RRM1: variants seen among roughly 807,000 people sequenced by gnomAD.
The protein encoded by RRM1 is ribonucleotide reductase catalytic subunit M1.
Under a neutral mutation model 101.5 loss-of-function variants are expected in RRM1, and 19 were observed. The observed-to-expected ratio is 0.19, with a 90% confidence interval of 0.13 to 0.27. RRM1 has a LOEUF of 0.27. Ranked by LOEUF, RRM1 falls within the 10% of genes least tolerant of loss-of-function variation. The probability of loss-of-function intolerance (pLI) is 1.00; values close to 1 mark genes in which losing one functional copy is unlikely to be tolerated. For synonymous variants in RRM1, 298 were observed against 323.4 expected, an observed-to-expected ratio of 0.92 and a Z score of 0.84; for missense variants, 500 against 962.9, an observed-to-expected ratio of 0.52 and a Z score of 6.36.
chr11:4,122,558 A>G (rs1190305342), intron 11 of RRM1, among the ~76,000 whole-genome samples: 2 of 152,134 alleles, frequency 1.3e-5, no homozygotes, highest in African/African-American at 4.8e-5. Context: ...AGTGACTAGG[A>G]CACATATGTC....
rs72555756 is a variant in RRM1 at position 4,094,864 on chromosome 11, G to A, written c.-149G>A. On this transcript the variant is annotated 5_prime_UTR_variant, in exon 1 of 19. Transcript: ENST00000300738. The stretch of plus-strand genomic sequence containing the variant: ...TGGATTGTTGCGCCTCTGCTCTGAA[G>A]AAAGTGCTGTCTGGCTCCAACTCCA... The A allele has an allele frequency of 7.5e-6, 6 of 799,520 alleles. No individual in the cohort carries two copies. Among genetic ancestry groups the A allele is most frequent in the Non-Finnish European group, 1.3e-5 (6 of 477,046 alleles). 49.5% of individuals were successfully genotyped at this position (799,520 alleles called of 1,614,324 possible).
At chr11:4,115,798 C>A (rs1464622593) in intron 7 of RRM1, among the ~76,000 whole-genome samples, 1 of 152,126 alleles carries the variant, frequency 6.6e-6, no homozygotes, top group Non-Finnish European at 1.5e-5. Context: ...CTCAGGTGAT[C>A]CACCTGCCTG....
At chr11:4,094,776 A>T (rs2094540502), upstream of RRM1, 3 of 586,236 alleles carry the variant, frequency 5.1e-6, no homozygotes, top group East Asian at 2.8e-5. Context: ...GCGTCGAGTA[A>T]CGTCATTCGA....
intron 1 of RRM1, among the ~76,000 whole-genome samples, chr11:4,097,633 C>A (rs1164833063): frequency 6.6e-6 from 1 of 152,070 alleles, no homozygotes; most frequent in East Asian, 1.9e-4. Context: ...GCTCTGTCAT[C>A]CAGGCTGGAG....
intron 18 of RRM1, 47 bp from the exon 19 acceptor site, chr11:4,138,147 GT>G: frequency 9.1e-7 from 1 of 1,101,182 alleles, no homozygotes; most frequent in Non-Finnish European, 1.3e-6. Context: ...GGAATGTCTA[GT>G]ATTCTCACAG....
chr11:4,119,758 G>T, intron 8 of RRM1, 87 bp from the exon 9 acceptor site: 1 of 779,766 alleles, frequency 1.3e-6, no homozygotes, highest in Non-Finnish European at 2.2e-6. Flanking sequence ...TAGAAATTAG[G>T]CATCTTTTTT....
chr11:4,124,921 T>A (rs1409029318), intron 12 of RRM1, among the ~76,000 whole-genome samples: 2 of 92,354 alleles, frequency 2.2e-5, no homozygotes, highest in Admixed American at 2.2e-4. Flanking sequence ...ATTTATTTTA[T>A]TTTTTTTTTT....
intron 7 of RRM1, among the ~76,000 whole-genome samples, chr11:4,114,708 G>A (rs547480261): frequency 1.3e-5 from 2 of 152,174 alleles, no homozygotes; most frequent in East Asian, 1.9e-4. Context: ...GTAGTCCATC[G>A]TTGACTTTTT....
intron 14 of RRM1, 68 bp from the exon 15 acceptor site, chr11:4,129,005 TG>T: frequency 4.9e-6 from 4 of 813,360 alleles, no homozygotes; most frequent in African/African-American, 2.2e-5. Context: ...TAGTCATTTG[TG>T]GGTTTTTTTT....
In RRM1 at chr11:4,133,555, C is replaced by G; in HGVS notation, c.1906-8C>G. ...ATTTCTTCATACATTTTCTGCTTTT[C>G]CATTCAGATTGTAAATCCTCACTTA... is the stretch of plus-strand genomic sequence containing the variant. On this transcript the variant is annotated splice_polypyrimidine_tract_variant and splice_region_variant and intron_variant, in intron 16 of 18. Transcript: ENST00000300738. The G allele has an allele frequency of 6.3e-7, 1 of 1,580,936 alleles. No individual in the cohort carries two copies.
chr11:4,121,483 T>A, intron 9 of RRM1, 121 bp from the exon 10 acceptor site: 1 of 560,448 alleles, frequency 1.8e-6, no homozygotes, highest in Non-Finnish European at 2.8e-6. Context: ...ATACTTTTAT[T>A]TATGTTATTT....
rs1480373045 is a variant in RRM1, at chr11:4,121,586, T to C, written c.877-18T>C. On this transcript the variant is annotated intron_variant, in intron 9 of 18. Coordinates refer to ENST00000300738, the MANE Select transcript of RRM1 (RefSeq NM_001033.5). ...TTCATTTTTATTCTGAAGAGAATTA[T>C]GATTTATTTACCACTAGCGTCCTGG... 1.9e-6 allele frequency: 3 copies of C among 1,586,068 alleles called. No individual in the cohort carries two copies. Among genetic ancestry groups the C allele is most frequent in the African/African-American group, 2.7e-5 (2 of 73,614 alleles).
intron 14 of RRM1, among the ~76,000 whole-genome samples, chr11:4,128,166 T>C (rs12271818): frequency 0.069 from 10,367 of 151,022 alleles, 466 homozygotes; most frequent in African/African-American, 0.13. Context: ...TCCCGCTTTT[T>C]TTTTTTTTTT....
At chr11:4,130,906 G>A (rs2094598947) in intron 15 of RRM1, among the ~76,000 whole-genome samples, 1 of 152,142 alleles carries the variant, frequency 6.6e-6, no homozygotes. Context: ...AAGACATGAA[G>A]ATAGTTGGTG....
In RRM1 at chr11:4,103,781, A is replaced by ATTTT. The variant is rs36062278; in HGVS notation, c.108+1716_108+1719dup. ...GATTACAGGCATGTGCCACCACGCT[A>ATTTT]TTTTTTTTTTTTTTTTTTTGTATTT... On this transcript the variant is annotated intron_variant, in intron 2 of 18. Transcript: ENST00000300738. Among the ~76,000 whole-genome samples the ATTTT allele has an allele frequency of 7.1e-4, 82 of 115,246 alleles. 2 individuals are homozygous for ATTTT. The highest frequency in any genetic ancestry group is 2.7e-3 in the African/African-American group (78 of 29,350). The allele number at this position is 115,246 out of a possible 152,430, so 75.6% of individuals were successfully genotyped here.
At chr11:4,095,869 C>CTTT (rs1365165562) in intron 1 of RRM1, among the ~76,000 whole-genome samples, 1 of 152,190 alleles carries the variant, frequency 6.6e-6, no homozygotes, top group Admixed American at 6.5e-5. Context: ...GAGCAACATA[C>CTTT]TTTTAACAAC....
At chr11:4,106,846 A>G (rs1229291433) in intron 3 of RRM1, among the ~76,000 whole-genome samples, 1 of 152,216 alleles carries the variant, frequency 6.6e-6, no homozygotes, top group African/African-American at 2.4e-5. Flanking sequence ...TCTGCTGCAT[A>G]AAAAGGTTGA....
At chr11:4,129,353 G>T (rs964809089) in intron 15 of RRM1, among the ~76,000 whole-genome samples, 3 of 152,090 alleles carry the variant, frequency 2.0e-5, no homozygotes, top group Admixed American at 2.0e-4. Context: ...TTGGCACAAT[G>T]AAAGCATTTC....
intron 9 of RRM1, among the ~76,000 whole-genome samples, chr11:4,120,292 G>A (rs569590296): frequency 6.6e-6 from 1 of 151,902 alleles, no homozygotes; most frequent in African/African-American, 2.4e-5. Context: ...ATGATAGTTC[G>A]TTTGCAAAGA....
Sources: allele counts gnomAD v4.1 joint callset (sites outside exome capture counted in the v4.1 genomes callset), GRCh38; gene constraint gnomAD v4.1.1; transcripts MANE v1.5; gene names NCBI Gene and HGNC (gene_info 2026-07-23, HGNC 2026-07-21).